The following FRMD4A variants were observed in gnomAD, a reference collection of about 807,000 sequenced individuals.
FRMD4A encodes the protein FERM domain containing 4A, also known as FERM domain-containing protein 4A.
Under a neutral mutation model 129.1 loss-of-function variants are expected in FRMD4A, and 29 were observed. The ratio of observed to expected loss-of-function variants is 0.22; its 90% CI spans 0.17 to 0.31. FRMD4A has a LOEUF of 0.31. FRMD4A is among the 10% of genes least tolerant of loss of function. The pLI, the probability that FRMD4A is intolerant of heterozygous loss-of-function variation, is 1.00. For missense variants in FRMD4A, 1,272 were observed against 1,375.8 expected (o/e 0.92, Z 1.19); for synonymous variants, 634 against 571.6 (o/e 1.11, Z -1.56).
intron 12 of FRMD4A, among the ~76,000 whole-genome samples, chr10:13,717,697 T>G (rs924478862): frequency 2.9e-5 from 4 of 140,230 alleles, no homozygotes; most frequent in Non-Finnish European, 4.6e-5. Flanking sequence ...TTCTTGTTTT[T>G]TTTTTTTTTT....
chr10:14,073,743 T>A (rs142575712), intron 2 of FRMD4A, among the ~76,000 whole-genome samples: 1 of 152,088 alleles, frequency 6.6e-6, no homozygotes, highest in Non-Finnish European at 1.5e-5. Context: ...TACCCACTGG[T>A]CAAGATGAAA....
At chr10:14,181,790 A>G (rs1379574341) in intron 2 of FRMD4A, among the ~76,000 whole-genome samples, 1 of 152,132 alleles carries the variant, frequency 6.6e-6, no homozygotes, top group Non-Finnish European at 1.5e-5. Flanking sequence ...TCCTAAGCTC[A>G]AGCAATCCTC....
chr10:13,885,967 T>C (rs1035627570), intron 2 of FRMD4A, among the ~76,000 whole-genome samples: 1 of 152,180 alleles, frequency 6.6e-6, no homozygotes, highest in African/African-American at 2.4e-5. Flanking sequence ...TTAGCAGGGC[T>C]GGCCAGTGGG....
At chr10:13,674,794 G>A in intron 16 of FRMD4A, 117 bp downstream of exon 16, 1 of 1,193,430 alleles carries the variant, frequency 8.4e-7, no homozygotes. Flanking sequence ...CTTGCCTTCT[G>A]TCAAAACGAT....
At chr10:14,118,645 T>C (rs1369933143) in intron 2 of FRMD4A, among the ~76,000 whole-genome samples, 1 of 152,136 alleles carries the variant, frequency 6.6e-6, no homozygotes, top group Non-Finnish European at 1.5e-5. Flanking sequence ...TGGTGGAAGA[T>C]GAAGGAAGAG....
intron 2 of FRMD4A, chr10:13,866,281 C>A (rs773345385): frequency 1.0e-6 from 1 of 982,938 alleles, no homozygotes; most frequent in African/African-American, 1.7e-5. Flanking sequence ...ACGTCTTCCC[C>A]GAGCACAGTC....
intron 8 of FRMD4A, among the ~76,000 whole-genome samples, chr10:13,752,750 A>G (rs2091686555): frequency 6.6e-6 from 1 of 152,220 alleles, no homozygotes. Flanking sequence ...TTTCATAAGT[A>G]GAGTGTTGCA....
intron 12 of FRMD4A, among the ~76,000 whole-genome samples, chr10:13,715,260 A>G (rs2088667502): frequency 6.6e-6 from 1 of 152,060 alleles, no homozygotes. Flanking sequence ...TCCTCTCTAA[A>G]ACGAGGGGGT....
rs578182537 is a variant in FRMD4A, at chr10:13,952,862, T to C, written c.46-93950A>G. Reference sequence around the variant, plus strand: ...TGCCCACCACCATGTCGGCTAATTTTTTTTCGTATTTTTAGTAGAGAAGGG... The same window carrying C: ...TGCCCACCACCATGTCGGCTAATTTCTTTTCGTATTTTTAGTAGAGAAGGG... On this transcript the variant is annotated intron_variant, in intron 2 of 24. Transcript: ENST00000357447. Among the ~76,000 whole-genome samples the C allele has an allele frequency of 5.9e-5, 9 of 151,854 alleles. No individual in the cohort carries two copies. The South Asian group carries it at 1.7e-3, about 28-fold the overall frequency.
intron 24 of FRMD4A, among the ~76,000 whole-genome samples, chr10:13,650,556 C>CT (rs2081488859): frequency 6.6e-6 from 1 of 152,180 alleles, no homozygotes; most frequent in Admixed American, 6.5e-5. Context: ...ATCGCCCTCC[C>CT]ATACCGGGGG....
At chr10:13,965,221 T>C (rs977285911) in intron 2 of FRMD4A, among the ~76,000 whole-genome samples, 4 of 152,130 alleles carry the variant, frequency 2.6e-5, no homozygotes, top group African/African-American at 9.7e-5. Context: ...GCAAGAACCC[T>C]CACCCTTAAA....
intron 6 of FRMD4A, among the ~76,000 whole-genome samples, chr10:13,771,428 T>C (rs752833386): frequency 2.6e-5 from 4 of 152,152 alleles, no homozygotes; most frequent in Non-Finnish European, 5.9e-5. Flanking sequence ...AGAACACCCA[T>C]AAAGCAGAAA....
chr10:13,987,085 G>C (rs2095584380), intron 2 of FRMD4A, among the ~76,000 whole-genome samples: 1 of 152,156 alleles, frequency 6.6e-6, no homozygotes, highest in Admixed American at 6.5e-5. Flanking sequence ...CATAGATCTA[G>C]GCTCGTAGCT....
chr10:13,957,327 T>G (rs959113097), intron 2 of FRMD4A, among the ~76,000 whole-genome samples: 1 of 152,182 alleles, frequency 6.6e-6, no homozygotes, highest in Non-Finnish European at 1.5e-5. Flanking sequence ...AATCTGGGCT[T>G]ACTGCAATCT....
At chr10:14,082,354 A>T (rs958717340) in intron 2 of FRMD4A, among the ~76,000 whole-genome samples, 2 of 152,246 alleles carry the variant, frequency 1.3e-5, no homozygotes, top group African/African-American at 4.8e-5. Flanking sequence ...AATTTCAGAT[A>T]GAACTACTAC....
chr10:14,218,955 C>CAAAAAA lies in FRMD4A; in HGVS notation c.45+111097_45+111102dup, dbSNP rs56064346. Among the ~76,000 whole-genome samples the CAAAAAA allele has an allele frequency of 3.0e-4, 22 of 72,648 alleles. 1 individual carries two copies. Among genetic ancestry groups the CAAAAAA allele is most frequent in the African/African-American group, 1.4e-3 (18 of 13,056 alleles). 47.7% of individuals were successfully genotyped at this position (72,648 alleles called of 152,430 possible). A position where few individuals can be genotyped will look rare whatever the true frequency, so the allele number is the denominator to read the frequency against. ...GGGCAACAAGAGTGAGACTTCATCT[C>CAAAAAA]AAAAAAAAAAAAAAAAAAAAAAAAA... On this transcript the variant is annotated intron_variant, in intron 2 of 24. Coordinates refer to ENST00000357447, the MANE Select transcript of FRMD4A (RefSeq NM_018027.5).
intron 8 of FRMD4A, among the ~76,000 whole-genome samples, chr10:13,750,069 G>GAAAGAAAGAAAGA (rs2091502310): frequency 1.5e-3 from 81 of 55,644 alleles, no homozygotes; most frequent in South Asian, 6.4e-3. Flanking sequence ...AGGAAGGAAG[G>GAAAGAAAGAAAGA]AAGAAAGAAA....
chr10:13,929,232 A>C (rs2131280015), intron 2 of FRMD4A, among the ~76,000 whole-genome samples: 1 of 152,300 alleles, frequency 6.6e-6, no homozygotes, highest in East Asian at 1.9e-4. Flanking sequence ...TCCATGTTTC[A>C]TAATTTGTGC....
At chr10:14,211,528 G>A (rs998440101) in intron 2 of FRMD4A, among the ~76,000 whole-genome samples, 4 of 152,198 alleles carry the variant, frequency 2.6e-5, no homozygotes, top group Non-Finnish European at 2.9e-5. Context: ...CGTATCATGC[G>A]TGCTATCTGT....
Sources: gnomAD v4.1 joint callset for allele counts (sites outside exome capture counted in the v4.1 genomes callset) on GRCh38, gnomAD v4.1.1 for gene constraint, MANE v1.5 for transcripts, NCBI Gene and HGNC (gene_info 2026-07-23, HGNC 2026-07-21) for gene names.